The following NDST4 variants were observed in gnomAD, a reference collection of about 807,000 sequenced individuals.
NDST4 encodes the protein N-deacetylase and N-sulfotransferase 4.
A neutral mutation model predicts 100.8 loss-of-function variants in NDST4; 63 were observed. The observed-to-expected ratio is 0.62, with a 90% CI of 0.51 to 0.77. The LOEUF (loss-of-function observed/expected upper bound fraction) is 0.77, where lower values mean the gene tolerates loss of function less well. Ranked by LOEUF, NDST4 falls within the 30% of genes least tolerant of loss-of-function variation. The pLI is 0.00. For missense variants in NDST4, 943 were observed against 1,018.4 expected (o/e 0.93, Z 1.01); for synonymous variants, 377 against 361.8 (o/e 1.04, Z -0.48).
At chr4:115,080,063 C>G (rs1729269772) in intron 1 of NDST4, among the ~76,000 whole-genome samples, 1 of 152,158 alleles carries the variant, frequency 6.6e-6, no homozygotes, top group Admixed American at 6.6e-5. Context: ...AGTGACTTCA[C>G]ATGGACTTTA....
At chr4:115,049,419 C>T (rs550118355) in intron 2 of NDST4, among the ~76,000 whole-genome samples, 2 of 152,062 alleles carry the variant, frequency 1.3e-5, no homozygotes, top group East Asian at 3.9e-4. Context: ...CTAGAAATGT[C>T]TTTGTGTATC....
chr4:114,936,104 A>C (rs1034080179), intron 5 of NDST4, among the ~76,000 whole-genome samples: 1 of 152,120 alleles, frequency 6.6e-6, no homozygotes, highest in Non-Finnish European at 1.5e-5. Flanking sequence ...AATATGTTGA[A>C]TGGTCATTCA....
In NDST4 at chr4:115,033,084, A is replaced by G. The variant is rs182026219; in HGVS notation, c.978+42975T>C. Among the ~76,000 whole-genome samples, 255 of 148,520 alleles carry G rather than the reference A, an allele frequency of 1.7e-3. 1 individual carries two copies. Among genetic ancestry groups the G allele is most frequent in the African/African-American group, 6.0e-3 (246 of 40,722 alleles). On this transcript the variant is annotated intron_variant, in intron 2 of 13. Coordinates refer to ENST00000264363, the MANE Select transcript of NDST4 (RefSeq NM_022569.3). Reference sequence around the variant, plus strand: ...CTCTAAAGGGGCTTAAATTTTGATAATCTGTCAATTAAGTTTATTTTGAAT... The same window carrying G: ...CTCTAAAGGGGCTTAAATTTTGATAGTCTGTCAATTAAGTTTATTTTGAAT...
At chr4:114,986,793 C>CATACATACATATATAT (rs1553959380) in intron 2 of NDST4, among the ~76,000 whole-genome samples, 1 of 91,148 alleles carries the variant, frequency 1.1e-5, no homozygotes, top group African/African-American at 4.5e-5. Context: ...TCCAATTATA[C>CATACATACATATATAT]ATATATATAT....
chr4:114,875,328 C>A (rs1724234131), intron 6 of NDST4, among the ~76,000 whole-genome samples: 2 of 152,132 alleles, frequency 1.3e-5, no homozygotes, highest in Admixed American at 1.3e-4. Context: ...TAAAAATATA[C>A]AAGCAAGCTT....
At chr4:114,913,251 G>A (rs1275798340) in intron 6 of NDST4, among the ~76,000 whole-genome samples, 2 of 151,916 alleles carry the variant, frequency 1.3e-5, no homozygotes, top group Admixed American at 6.6e-5. Flanking sequence ...TGGGATTAAA[G>A]GGCTAATTTA....
intron 2 of NDST4, among the ~76,000 whole-genome samples, chr4:114,995,278 G>A (rs986043940): frequency 6.6e-6 from 1 of 151,916 alleles, no homozygotes; most frequent in Non-Finnish European, 1.5e-5. Flanking sequence ...TAATGTGAAT[G>A]TAAGTGACAC....
intron 4 of NDST4, 26 bp from the exon 5 acceptor site, chr4:114,937,529 T>C: frequency 6.6e-7 from 1 of 1,520,268 alleles, no homozygotes; most frequent in Non-Finnish European, 8.8e-7. Context: ...AACAACATCA[T>C]GATGGGACAA....
chr4:115,052,865 C>T lies in NDST4; in HGVS notation c.978+23194G>A, dbSNP rs117354916. ...CCCAGTGAGCCTAATTATTAAGTAC[C>T]TGTCTAGAGGAAGATATTTACGAAA... On this transcript the variant is annotated intron_variant, in intron 2 of 13. Transcript: ENST00000264363. 4.3e-3 allele frequency among the ~76,000 whole-genome samples: 654 copies of T among 152,164 alleles called. 10 individuals carry two copies. The highest frequency in any genetic ancestry group is 0.028 in the Admixed American group (432 of 15,260).
chr4:115,085,971 G>C (rs1217345075), intron 1 of NDST4, among the ~76,000 whole-genome samples: 3 of 152,140 alleles, frequency 2.0e-5, no homozygotes, highest in African/African-American at 7.2e-5. Flanking sequence ...ATGCATGTGT[G>C]TGTATTTGGA....
chr4:114,984,128 T>A (rs1726844030), intron 2 of NDST4, among the ~76,000 whole-genome samples: 1 of 151,502 alleles, frequency 6.6e-6, no homozygotes, highest in Non-Finnish European at 1.5e-5. Flanking sequence ...TATAGCAGTG[T>A]GAACAAACTA....
chr4:115,035,117 C>A (rs12647287), intron 2 of NDST4, among the ~76,000 whole-genome samples: 20,386 of 152,030 alleles, frequency 0.13, 1,756 homozygotes, highest in East Asian at 0.42. Context: ...CATAGTAAAA[C>A]TATAACTCAT....
chr4:115,009,567 A>G lies in NDST4; in HGVS notation c.979-32293T>C, dbSNP rs1387165427. Among the ~76,000 whole-genome samples the G allele has an allele frequency of 4.1e-5, 5 of 123,176 alleles. 1 individual carries two copies. The highest frequency in any genetic ancestry group is 1.3e-4 in the African/African-American group (4 of 31,802). The allele number at this position is 123,176 out of a possible 152,430, so 80.8% of individuals were successfully genotyped here. A position where few individuals can be genotyped will look rare whatever the true frequency, so the allele number is the denominator to read the frequency against. On this transcript the variant is annotated intron_variant, in intron 2 of 13. Coordinates refer to ENST00000264363, the MANE Select transcript of NDST4 (RefSeq NM_022569.3). ...GATTAAAGACTTAAACGTTAGACCT[A>G]AAACCATAAAAACCCTAGAAGAAAA...
chr4:114,847,669 C>T (rs1723584455), intron 9 of NDST4, among the ~76,000 whole-genome samples: 1 of 151,828 alleles, frequency 6.6e-6, no homozygotes, highest in South Asian at 2.1e-4. Flanking sequence ...TTATTTTTTT[C>T]ATAATTTATC....
At chr4:115,009,445 T>C (rs1727493666) in intron 2 of NDST4, among the ~76,000 whole-genome samples, 1 of 127,646 alleles carries the variant, frequency 7.8e-6, no homozygotes, top group African/African-American at 3.0e-5. Flanking sequence ...AAGGATTCCC[T>C]ATTTAACAAA....
intron 2 of NDST4, among the ~76,000 whole-genome samples, chr4:115,067,090 C>T (rs1263615300): frequency 6.6e-6 from 1 of 152,178 alleles, no homozygotes; most frequent in African/African-American, 2.4e-5. Context: ...CGGGCCATTG[C>T]CCAGGTCTTA....
intron 1 of NDST4, among the ~76,000 whole-genome samples, chr4:115,092,347 G>A (rs1242303182): frequency 6.6e-6 from 1 of 152,118 alleles, no homozygotes; most frequent in Non-Finnish European, 1.5e-5. Flanking sequence ...GGCTGTGAGG[G>A]AGGCTGGAAA....
chr4:114,958,273 C>T (rs1010525077), intron 4 of NDST4, among the ~76,000 whole-genome samples: 4 of 152,242 alleles, frequency 2.6e-5, no homozygotes, highest in African/African-American at 9.6e-5. Flanking sequence ...CCTAAATCAT[C>T]TCTCTTAAGT....
intron 10 of NDST4, among the ~76,000 whole-genome samples, chr4:114,841,693 C>T (rs1454502571): frequency 6.6e-6 from 1 of 152,182 alleles, no homozygotes; most frequent in African/African-American, 2.4e-5. Flanking sequence ...TGCTTTAATG[C>T]TTTTGGTATA....
Sources: allele counts gnomAD v4.1 joint callset (sites outside exome capture counted in the v4.1 genomes callset), GRCh38; gene constraint gnomAD v4.1.1; transcripts MANE v1.5; gene names NCBI Gene and HGNC (gene_info 2026-07-23, HGNC 2026-07-21).